The following RARB variants were observed in gnomAD, a reference collection of about 807,000 sequenced individuals.
RARB encodes the protein retinoic acid receptor beta.
A neutral mutation model predicts 51.9 loss-of-function variants in RARB; 17 were observed. The ratio of observed to expected loss-of-function variants is 0.33; its 90% CI spans 0.22 to 0.49. The LOEUF is 0.49. Ranked by LOEUF, RARB falls within the 20% of genes least tolerant of loss-of-function variation. The probability of loss-of-function intolerance (pLI) is 0.99; values close to 1 mark genes in which losing one functional copy is unlikely to be tolerated. For missense variants in RARB, 369 were observed against 550.8 expected, an observed-to-expected ratio of 0.67 and a Z score of 3.30; for synonymous variants, 215 against 195.4, an observed-to-expected ratio of 1.10 and a Z score of -0.84.
intron 2 of RARB, among the ~76,000 whole-genome samples, chr3:25,058,615 C>A (rs1305179658): frequency 6.6e-6 from 1 of 151,500 alleles, no homozygotes; most frequent in South Asian, 2.1e-4. Context: ...ATCCAGTGTC[C>A]TAAGACACAG....
intron 5 of RARB, among the ~76,000 whole-genome samples, chr3:25,401,779 T>G (rs1239560010): frequency 6.6e-6 from 1 of 152,184 alleles, no homozygotes; most frequent in African/African-American, 2.4e-5. Flanking sequence ...ACATTTTCTT[T>G]TGTTTTTTTT....
intron 5 of RARB, among the ~76,000 whole-genome samples, chr3:25,287,554 C>G (rs566442364): frequency 3.9e-5 from 6 of 152,316 alleles, no homozygotes; most frequent in East Asian, 3.9e-4. Flanking sequence ...GACAGACACT[C>G]TCGGCCTCCT....
intron 2 of RARB, among the ~76,000 whole-genome samples, chr3:25,472,342 C>T (rs1452174566): frequency 6.6e-6 from 1 of 152,080 alleles, no homozygotes; most frequent in Non-Finnish European, 1.5e-5. Context: ...TCTTAAAAGC[C>T]CCGGCCAAGA....
chr3:25,486,858 T>C lies in RARB; in HGVS notation c.307-14324T>C, dbSNP rs114925484. Among the ~76,000 whole-genome samples the C allele has an allele frequency of 7.7e-3, 1,168 of 152,334 alleles. 17 individuals carry two copies. Among genetic ancestry groups the C allele is most frequent in the African/African-American group, 0.027 (1,106 of 41,574 alleles). On this transcript the variant is annotated intron_variant, in intron 2 of 7. Coordinates refer to ENST00000330688, the MANE Select transcript of RARB (RefSeq NM_000965.5). ...TTGTATCCCTCTGTATAATTTTATT[T>C]CAATCAGGTTCCAGTCACAGATTAT...
At chr3:24,977,394 C>G (rs766864409) in intron 2 of RARB, among the ~76,000 whole-genome samples, 34 of 152,168 alleles carry the variant, frequency 2.2e-4, no homozygotes, top group Non-Finnish European at 4.1e-4. Context: ...TACCCATGAG[C>G]GTGGAATGTT....
At chr3:25,329,025 G>T (rs929694282) in intron 5 of RARB, among the ~76,000 whole-genome samples, 1 of 152,222 alleles carries the variant, frequency 6.6e-6, no homozygotes, top group African/African-American at 2.4e-5. Context: ...AAGCAGCCAG[G>T]AAGCTTGAAC....
chr3:25,173,500 ATCTC>A (rs1700682455), intron 4 of RARB, among the ~76,000 whole-genome samples: 1 of 152,162 alleles, frequency 6.6e-6, no homozygotes, highest in African/African-American at 2.4e-5. Context: ...ATATTTTACT[ATCTC>A]TCTCATTAGG....
chr3:25,125,840 C>G lies in RARB; in HGVS notation c.-327-6321C>G, dbSNP rs145163818. ...AATAACCCCTCTGTACAAACCAATA[C>G]AGTGATATCAGCACCACTGCTCTGG... On this transcript the variant is annotated intron_variant, in intron 3 of 11. Transcript: ENST00000383772. 2.5e-3 allele frequency among the ~76,000 whole-genome samples: 383 copies of G among 152,246 alleles called. 1 individual carries two copies. The highest frequency in any genetic ancestry group is 8.4e-3 in the African/African-American group (349 of 41,552).
chr3:25,425,998 T>A (rs983087599), upstream of RARB, among the ~76,000 whole-genome samples: 2 of 152,200 alleles, frequency 1.3e-5, no homozygotes, highest in Non-Finnish European at 2.9e-5. Flanking sequence ...AATATAGCTG[T>A]TTCCTCTTCT....
intron 5 of RARB, among the ~76,000 whole-genome samples, chr3:25,206,752 G>A (rs6789083): frequency 0.49 from 75,149 of 151,976 alleles, 19,246 homozygotes; most frequent in East Asian, 0.69. Context: ...CAGTGCTAGC[G>A]TACTATGGAT....
intron 1 of RARB, among the ~76,000 whole-genome samples, chr3:25,451,194 T>C (rs1225963675): frequency 6.6e-6 from 1 of 152,228 alleles, no homozygotes; most frequent in Non-Finnish European, 1.5e-5. Context: ...AGGTTGGCTA[T>C]CATTTATTGA....
In RARB at chr3:25,402,133, A is replaced by C. The variant is rs1468597993; in HGVS notation, c.179-59060A>C. ...AGAAAGAGTAAAGAGATAAAAAAGC[A>C]ATTTTAAAAAGAAAAAAGCCACAAA... On this transcript the variant is annotated intron_variant, in intron 5 of 11. Transcript: ENST00000383772. 6.6e-5 allele frequency among the ~76,000 whole-genome samples: 10 copies of C among 152,228 alleles called. No individual in the cohort carries two copies. In the East Asian group the frequency reaches 1.7e-3, roughly 26 times the overall value.
chr3:25,191,333 A>T (rs952625454), intron 5 of RARB, among the ~76,000 whole-genome samples: 3 of 152,060 alleles, frequency 2.0e-5, no homozygotes, highest in African/African-American at 7.2e-5. Context: ...GGCCCTTAAC[A>T]CATGAGTTTT....
intron 5 of RARB, among the ~76,000 whole-genome samples, chr3:25,264,109 TG>T (rs201965453): frequency 1.6e-4 from 9 of 55,442 alleles, no homozygotes; most frequent in East Asian, 7.0e-4. Context: ...GGGGCATTGT[TG>T]ATTTTTTTTT....
chr3:25,228,233 TTTTTGG>T (rs1163037452), intron 5 of RARB, among the ~76,000 whole-genome samples: 1 of 151,058 alleles, frequency 6.6e-6, no homozygotes, highest in Non-Finnish European at 1.5e-5. Context: ...TTTTTTTTTT[TTTTTGG>T]TTGTTCATTT....
rs35238900 is a variant in RARB, at chr3:25,437,117, CTT to C, written c.157+8245_157+8246del. On this transcript the variant is annotated intron_variant, in intron 1 of 7. Transcript: ENST00000330688. Reference sequence around the variant, plus strand: ...CTTACGTGCCTTTGCTAAAAGCAAACTTTTTTTTTTTTTTTTTGGTCATATCT... The same window carrying C: ...CTTACGTGCCTTTGCTAAAAGCAAACTTTTTTTTTTTTTTTGGTCATATCT... Among the ~76,000 whole-genome samples the C allele has an allele frequency of 1.0e-3, 144 of 139,606 alleles. No homozygotes were observed. The Middle Eastern group carries it at 0.016, about 15-fold the overall frequency. 91.6% of individuals were successfully genotyped at this position (139,606 alleles called of 152,430 possible). A position where few individuals can be genotyped will look rare whatever the true frequency, so the allele number is the denominator to read the frequency against.
chr3:25,118,482 TTGTC>T (rs780677838), intron 3 of RARB, among the ~76,000 whole-genome samples: 23 of 152,280 alleles, frequency 1.5e-4, no homozygotes, highest in African/African-American at 4.6e-4. Context: ...AAAGACCACT[TTGTC>T]TGAGCAAAGA....
intron 2 of RARB, among the ~76,000 whole-genome samples, chr3:24,971,047 G>A (rs1433997852): frequency 6.6e-6 from 1 of 151,790 alleles, no homozygotes; most frequent in Non-Finnish European, 1.5e-5. Context: ...TTATTATCAG[G>A]TTATATGCAG....
At chr3:24,899,956 A>T (rs1189616365) in intron 2 of RARB, among the ~76,000 whole-genome samples, 5 of 152,082 alleles carry the variant, frequency 3.3e-5, no homozygotes, top group African/African-American at 9.7e-5. Context: ...TGATTACATC[A>T]TTGGCACATT....
Sources: gnomAD v4.1 joint callset for allele counts (sites outside exome capture counted in the v4.1 genomes callset) on GRCh38, gnomAD v4.1.1 for gene constraint, MANE v1.5 for transcripts, NCBI Gene and HGNC (gene_info 2026-07-23, HGNC 2026-07-21) for gene names.